Variants in TRIM3 observed in about 807,000 individuals in gnomAD.
TRIM3 encodes the protein tripartite motif-containing protein 3.
TRIM3 carries 13 observed loss-of-function variants against 66.6 expected under a neutral mutation model. The observed-to-expected ratio is 0.20, with a 90% CI of 0.13 to 0.31. The LOEUF is 0.31. Among genes scored for constraint, TRIM3 ranks in the 10% least tolerant of loss-of-function variants. The pLI is 1.00. For missense variants in TRIM3, 711 were observed against 1,020.4 expected (o/e 0.70, Z 4.13); for synonymous variants, 406 against 411.7 (o/e 0.99, Z 0.17).
intron 1 of TRIM3, among the ~76,000 whole-genome samples, chr11:6,471,939 A>T (rs1316301420): frequency 2.0e-5 from 3 of 152,222 alleles, no homozygotes; most frequent in African/African-American, 7.2e-5. Context: ...ATGCTTTTAC[A>T]TCCTAAAAGC....
intron 7 of TRIM3, 119 bp downstream of exon 7, chr11:6,455,953 A>G: frequency 1.6e-6 from 1 of 631,336 alleles, no homozygotes; most frequent in Non-Finnish European, 2.4e-6. Context: ...CTCTTAAGGA[A>G]CGGTACTATC....
rs900756294 is a variant in TRIM3, at chr11:6,456,699, G to C, written c.1027C>G (p.Leu343Val). 8 of 1,606,508 alleles carry C rather than the reference G, an allele frequency of 5.0e-6. No individual in the cohort carries two copies. The highest frequency in any genetic ancestry group is 6.8e-6 in the Non-Finnish European group (8 of 1,176,898). ...RQALVGQPAS[L>V]TVTTKDKDGR... ...TCCTTGTCTTTGGTAGTGACAGTGA[G>C]CGAGGCAGGCTGGCCCACTAGCGCC... Residue 343 changes from leucine to valine, a missense_variant, in exon 6 of 12, where the codon CTC (leucine) becomes GTC (valine). Coordinates refer to ENST00000345851, the MANE Select transcript of TRIM3 (RefSeq NM_033278.4). The surrounding 1 kb of genome is among the most constrained non-coding windows in gnomAD (Gnocchi z 6.4).
intron 1 of TRIM3, chr11:6,473,398 G>A (rs1448360570): frequency 1.3e-5 from 2 of 151,122 alleles, no homozygotes; most frequent in African/African-American, 4.9e-5. Flanking sequence ...GGGGAGCAAG[G>A]GGTGGAGGTG....
In TRIM3 at chr11:6,456,064, G is replaced by A. The variant is rs375726390; in HGVS notation, c.1533+8C>T. 1 of 1,613,630 alleles carries A rather than the reference G, an allele frequency of 6.2e-7. No homozygotes were observed. Among genetic ancestry groups the A allele is most frequent in the African/African-American group, 1.3e-5 (1 of 75,016 alleles). ...TTGGTGGTGGAGGAGAGCGGTAAAG[G>A]TGCTTACCTGAATACACTGGTTGTT... On this transcript the variant is annotated splice_region_variant and intron_variant, in intron 7 of 11. Coordinates refer to ENST00000345851, the MANE Select transcript of TRIM3 (RefSeq NM_033278.4). The surrounding 1 kb of genome is among the most constrained non-coding windows in gnomAD (Gnocchi z 6.4).
Position 6,457,369 on chromosome 11 carries a change from A to T in TRIM3, c.623T>A (p.Leu208Gln). 1 of 1,613,940 alleles carries T rather than the reference A, an allele frequency of 6.2e-7. No individual in the cohort carries two copies. Among genetic ancestry groups the T allele is most frequent in the Admixed American group, 1.7e-5 (1 of 60,020 alleles). ...CTTGCGCTGCTGCAGTGCTTGCTCC[A>T]GGTCCTCGAACGCTGCACTGATCTG... ...LAQISAAFED[L>Q]EQALQQRKQA... Residue 208 changes from leucine to glutamine, a missense_variant, in exon 5 of 12, where the codon CTG (leucine) becomes CAG (glutamine). Physicochemically the swap from Leu to Gln is moderately radical, Grantham distance 113 (BLOSUM62 -2). This residue lies in a region of TRIM3 where 399 missense variants were observed against 458.1 expected (regional missense o/e 0.87). Coordinates refer to ENST00000345851, the MANE Select transcript of TRIM3 (RefSeq NM_033278.4). This position sits in a 1 kb window ranked among gnomAD's most constrained non-coding sequence, Gnocchi z 4.5.
rs185517959 is a variant in TRIM3, at chr11:6,453,481, C to T, written c.1534-2043G>A. On this transcript the variant is annotated intron_variant, in intron 7 of 11. Coordinates refer to ENST00000345851, the MANE Select transcript of TRIM3 (RefSeq NM_033278.4). ...TCCCTGACTTCAGGGATCTCACAGTCTAGTGGGGGAGAAAGACTTAAACCA... is the reference window on the plus strand; with the variant it reads ...TCCCTGACTTCAGGGATCTCACAGTTTAGTGGGGGAGAAAGACTTAAACCA... Among the ~76,000 whole-genome samples the T allele has an allele frequency of 1.8e-3, 269 of 152,258 alleles. 1 individual carries two copies. Among genetic ancestry groups the T allele is most frequent in the African/African-American group, 6.3e-3 (260 of 41,526 alleles).
At chr11:6,455,960 T>C in intron 7 of TRIM3, 112 bp downstream of exon 7, 1 of 679,056 alleles carries the variant, frequency 1.5e-6, no homozygotes, top group Non-Finnish European at 2.2e-6. Context: ...GGAACGGTAC[T>C]ATCTGTAGGG....
chr11:6,457,404 C>T lies in TRIM3; in HGVS notation c.588G>A (p.Glu196=), dbSNP rs762362326. Residue 196 remains glutamate (E), a synonymous_variant, in exon 5 of 12, where the codon GAG becomes GAA. Transcript: ENST00000345851. The surrounding 1 kb of genome is among the most constrained non-coding windows in gnomAD (Gnocchi z 4.5). ...ISQQLQERKA[E]ALAQISAAFE... ...ACGCTGCACTGATCTGGGCCAGGGC[C>T]TCTGCCTTGCGCTCCTGCAGCTGCT... The T allele has an allele frequency of 1.4e-5, 23 of 1,613,572 alleles. No individual in the cohort carries two copies. Among genetic ancestry groups the T allele is most frequent in the Non-Finnish European group, 1.9e-5 (23 of 1,179,860 alleles).
At chr11:6,455,943 C>G in intron 7 of TRIM3, 129 bp downstream of exon 7, 1 of 856,538 alleles carries the variant, frequency 1.2e-6, no homozygotes, top group Non-Finnish European at 1.8e-6. Context: ...TGATTCACTG[C>G]TCTTAAGGAA....
intron 7 of TRIM3, among the ~76,000 whole-genome samples, chr11:6,454,248 A>G (rs1006179190): frequency 2.0e-5 from 3 of 152,058 alleles, no homozygotes; most frequent in Non-Finnish European, 4.4e-5. Context: ...TAAATTAGCC[A>G]GGTATAGTGG....
chr11:6,467,547 T>C (rs1287715707), intron 1 of TRIM3, among the ~76,000 whole-genome samples: 1 of 152,160 alleles, frequency 6.6e-6, no homozygotes, highest in East Asian at 1.9e-4. Flanking sequence ...AGGAAGATCG[T>C]TTGAGCCCAG....
chr11:6,450,832 T>C lies in TRIM3; in HGVS notation c.1870+60A>G. 2 of 1,600,322 alleles carry C rather than the reference T, an allele frequency of 1.2e-6. No homozygotes were observed. The highest frequency in any genetic ancestry group is 1.7e-5 in the Admixed American group (1 of 59,584). On this transcript the variant is annotated intron_variant, in intron 9 of 11. Transcript: ENST00000345851. This position sits in a 1 kb window ranked among gnomAD's most constrained non-coding sequence, Gnocchi z 4.8. ...GGAGAGGGCCTTTACAGCTGGGGTATCTAGGGGAGTTCTCTGGAACAGGGG... is the reference window on the plus strand; with the variant it reads ...GGAGAGGGCCTTTACAGCTGGGGTACCTAGGGGAGTTCTCTGGAACAGGGG...
chr11:6,462,422 A>C (rs1589834191), intron 2 of TRIM3, among the ~76,000 whole-genome samples: 1 of 151,836 alleles, frequency 6.6e-6, no homozygotes, highest in African/African-American at 2.4e-5. Flanking sequence ...TGTTTATTTA[A>C]TTTAAGATAG....
Position 6,449,180 on chromosome 11 carries a change from C to T in TRIM3, c.2083G>A (p.Val695Ile). ...AGGAAGGAGCCAGAGCTGTCGAATA[C>T]CTGGGGAAGGAGTGCAGAAAGGAGG... ...VADWGNSRIQVFDSSGSFLSY... is the reference protein window; with the variant it reads ...VADWGNSRIQIFDSSGSFLSY... The change falls in exon 12 of 12, where the codon GTA becomes ATA. Residue 695 changes from valine to isoleucine, a missense_variant and splice_region_variant. Transcript: ENST00000345851. The surrounding 1 kb of genome is among the most constrained non-coding windows in gnomAD (Gnocchi z 5.3). The T allele has an allele frequency of 6.2e-7, 1 of 1,613,916 alleles. No homozygotes were observed. The highest frequency in any genetic ancestry group is 8.5e-7 in the Non-Finnish European group (1 of 1,179,818).
At chr11:6,460,539 G>C (rs560508865) in intron 2 of TRIM3, among the ~76,000 whole-genome samples, 1 of 152,174 alleles carries the variant, frequency 6.6e-6, no homozygotes. Context: ...TCTCTGAATG[G>C]AGGGAAGGAG....
chr11:6,465,670 C>A lies in TRIM3; in HGVS notation c.26G>T (p.Gly9Val). The change falls in exon 2 of 12, where the codon GGC becomes GTC. Residue 9 changes from glycine to valine, a missense_variant. Gly to Val is a moderately radical substitution (Grantham distance 109). Coordinates refer to ENST00000345851, the MANE Select transcript of TRIM3 (RefSeq NM_033278.4). ...CTTGTCCATTGGCTGGACCTCTGGG[C>A]CAGGGCTGTCCTCCCTCTTTGCCAT... Reference protein sequence around the residue: MAKREDSPGPEVQPMDKQF... With the variant: MAKREDSPVPEVQPMDKQF... 5 of 1,614,136 alleles carry A rather than the reference C, an allele frequency of 3.1e-6. No individual in the cohort carries two copies. The highest frequency in any genetic ancestry group is 4.2e-6 in the Non-Finnish European group (5 of 1,180,006).
chr11:6,458,467 C>G lies in TRIM3; in HGVS notation c.132-171G>C, dbSNP rs1271495763. 1.6e-6 allele frequency: 1 copy of G among 610,866 alleles called. No individual in the cohort carries two copies. The highest frequency in any genetic ancestry group is 2.8e-5 in the East Asian group (1 of 35,720). 37.8% of individuals were successfully genotyped at this position (610,866 alleles called of 1,614,324 possible). A position where few individuals can be genotyped will look rare whatever the true frequency, so the allele number is the denominator to read the frequency against. Reference sequence around the variant, plus strand: ...CTGCCAGCAGGTATAATGGCCTTGCCCCTTACAACTGAGTAGGAACACACC... The same window carrying G: ...CTGCCAGCAGGTATAATGGCCTTGCGCCTTACAACTGAGTAGGAACACACC... On this transcript the variant is annotated intron_variant, in intron 2 of 11. Transcript: ENST00000345851. The surrounding 1 kb of genome is among the most constrained non-coding windows in gnomAD (Gnocchi z 6.2).
Position 6,456,513 on chromosome 11 carries a change from A to G in TRIM3, c.1213T>C (p.Tyr405His), listed in dbSNP as rs1286022293. The G allele has an allele frequency of 5.7e-6, 9 of 1,583,824 alleles. No homozygotes were observed. The South Asian group carries it at 9.0e-5, about 16-fold the overall frequency. The change falls in exon 6 of 12, where the codon TAC becomes CAC. Residue 405 changes from tyrosine (Y) to histidine (H), a missense_variant. Coordinates refer to ENST00000345851, the MANE Select transcript of TRIM3 (RefSeq NM_033278.4). This position sits in a 1 kb window ranked among gnomAD's most constrained non-coding sequence, Gnocchi z 6.4. Reference sequence around the variant, plus strand: ...GGGCTGCCGCGCACTGGCTGTCCGTAGAGCAGCACCGAGAGGAGCAGCTCG... The same window carrying G: ...GGGCTGCCGCGCACTGGCTGTCCGTGGAGCAGCACCGAGAGGAGCAGCTCG... ...EGELLLSVLL[Y>H]GQPVRGSPFR... is the part of the protein sequence containing the mutation.
chr11:6,460,866 T>C (rs922661326), intron 2 of TRIM3, among the ~76,000 whole-genome samples: 3 of 151,814 alleles, frequency 2.0e-5, no homozygotes, highest in African/African-American at 7.3e-5. Flanking sequence ...ACTTATTTAA[T>C]TGTGTTTTCT....
Sources: allele counts gnomAD v4.1 joint callset (sites outside exome capture counted in the v4.1 genomes callset), GRCh38; gene constraint gnomAD v4.1.1; regional missense constraint gnomAD v4.1.1; non-coding constraint Gnocchi (gnomAD v3.1); transcripts MANE v1.5; gene names NCBI Gene and HGNC (gene_info 2026-07-23, HGNC 2026-07-21).